ZNF730: variants seen among roughly 807,000 people sequenced by gnomAD.
The protein encoded by ZNF730 is zinc finger protein 730, also known as putative zinc finger protein 730.
Under a neutral mutation model 12.6 loss-of-function variants are expected in ZNF730, and 12 were observed. The ratio of observed to expected loss-of-function variants is 0.95; its 90% CI spans 0.61 to 1.54. The LOEUF is 1.54. Among genes scored for constraint, ZNF730 ranks in the 40% most tolerant of loss-of-function variants. The probability of loss-of-function intolerance (pLI) is 0.00; values close to 1 mark genes in which losing one functional copy is unlikely to be tolerated. For synonymous variants in ZNF730, 194 were observed against 195.8 expected, an observed-to-expected ratio of 0.99 and a Z score of 0.08; for missense variants, 643 against 583.5, an observed-to-expected ratio of 1.10 and a Z score of -1.05.
chr19:23,131,655 C>T (rs576867632), intron 1 of ZNF730, among the ~76,000 whole-genome samples: 2 of 152,248 alleles, frequency 1.3e-5, no homozygotes, highest in African/African-American at 4.8e-5. Context: ...CTGTGCTGTG[C>T]CTGCTTGCTC....
At chr19:23,130,221 A>G (rs996811140) in intron 1 of ZNF730, among the ~76,000 whole-genome samples, 2 of 152,050 alleles carry the variant, frequency 1.3e-5, no homozygotes, top group East Asian at 1.9e-4. Context: ...GTGATAGTGA[A>G]TGAACTTCAG....
rs547070751 is a variant in ZNF730 at position 23,134,392 on chromosome 19, G to A, written c.130+186G>A. ...CCCCGTCCGGGAGGGAGGTGGGGGG[G>A]TCAGCCCCCCGCCCGGCCAGCCGCC... On this transcript the variant is annotated intron_variant, in intron 2 of 3. Transcript: ENST00000597761. 8.4e-3 allele frequency among the ~76,000 whole-genome samples: 1,165 copies of A among 139,412 alleles called. 19 individuals carry two copies. Among genetic ancestry groups the A allele is most frequent in the African/African-American group, 0.03 (1,113 of 37,526 alleles). The allele number at this position is 139,412 out of a possible 152,430, so 91.5% of individuals were successfully genotyped here. A position where few individuals can be genotyped will look rare whatever the true frequency, so the allele number is the denominator to read the frequency against.
rs143965452 is a variant in ZNF730, at chr19:23,107,638, C to T, written c.-93-26442C>T. Among the ~76,000 whole-genome samples, 100 of 152,122 alleles carry T rather than the reference C, an allele frequency of 6.6e-4. 1 individual carries two copies. In the Middle Eastern group the frequency reaches 0.01, roughly 16 times the overall value. On this transcript the variant is annotated intron_variant, in intron 1 of 2. Coordinates refer to the ZNF730 transcript ENST00000593635. The stretch of plus-strand genomic sequence containing the variant: ...TATTACTTGGTAAGAATTCATTAAG[C>T]TTTGCATGAATTAATGATTTCCACG...
chr19:23,137,343 G>T (rs1970849452), intron 3 of ZNF730, among the ~76,000 whole-genome samples: 1 of 151,778 alleles, frequency 6.6e-6, no homozygotes, highest in African/African-American at 2.4e-5. Context: ...TTATTTTAGT[G>T]CTATTGTAAA....
intron 1 of ZNF730, among the ~76,000 whole-genome samples, chr19:23,122,132 CTTTTTTTT>C (rs71163449): frequency 8.8e-5 from 2 of 22,778 alleles, no homozygotes; most frequent in Non-Finnish European, 1.5e-4. Flanking sequence ...TTGTTTAAAG[CTTTTTTTT>C]TTTTTTTTTT....
intron 3 of ZNF730, among the ~76,000 whole-genome samples, chr19:23,141,394 CA>C (rs372825703): frequency 0.14 from 17,255 of 120,130 alleles, 986 homozygotes; most frequent in African/African-American, 0.2. Context: ...GACTCCGTCT[CA>C]AAAAAAAAAA....
intron 1 of ZNF730, among the ~76,000 whole-genome samples, chr19:23,120,469 T>C (rs968174748): frequency 3.3e-5 from 5 of 152,144 alleles, no homozygotes; most frequent in African/African-American, 1.2e-4. Context: ...ACAGAGAAGT[T>C]TGTAGTAGAC....
chr19:23,119,992 C>CTTTTTT (rs539722897), intron 1 of ZNF730, among the ~76,000 whole-genome samples: 3 of 132,580 alleles, frequency 2.3e-5, no homozygotes, highest in Non-Finnish European at 4.9e-5. Context: ...CACTTTCTTT[C>CTTTTTT]TTTTTTTTTT....
At chr19:23,090,526 G>A (rs1252382048) in intron 1 of ZNF730, among the ~76,000 whole-genome samples, 2 of 152,154 alleles carry the variant, frequency 1.3e-5, no homozygotes, top group African/African-American at 4.8e-5. Flanking sequence ...GCAGCCTGAT[G>A]ATGCAATAGA....
chr19:23,111,984 TATGAAGAAAGCCTTAAG>T (rs1599584721), intron 1 of ZNF730, among the ~76,000 whole-genome samples: 2 of 141,276 alleles, frequency 1.4e-5, no homozygotes, highest in African/African-American at 5.2e-5. Context: ...TGACAAAGCA[TATGAAGAAAGCCTTAAG>T]GTGAAGAAAG....
intron 1 of ZNF730, among the ~76,000 whole-genome samples, chr19:23,117,871 C>T (rs1168237639): frequency 6.6e-6 from 1 of 152,080 alleles, no homozygotes; most frequent in Non-Finnish European, 1.5e-5. Flanking sequence ...CAAAAAAATA[C>T]ATTTGAGTTA....
chr19:23,114,305 C>CTTTTTTTTTTTTTTT (rs869304180), upstream of ZNF730, among the ~76,000 whole-genome samples: 64 of 103,498 alleles, frequency 6.2e-4, 3 homozygotes, highest in African/African-American at 1.3e-3. Flanking sequence ...TTTTTCTTTT[C>CTTTTTTTTTTTTTTT]TTTTTTTTTT....
rs1002470946 is a variant in ZNF730, at chr19:23,105,697, T to C, written c.-93-28383T>C. On this transcript the variant is annotated intron_variant, in intron 1 of 2. Coordinates refer to the ZNF730 transcript ENST00000593635. Reference sequence around the variant, plus strand: ...TACCAGGATATCCACTCCTAGGTCATTACTAAAGCAAAGTGAAAACTAATG... The same window carrying C: ...TACCAGGATATCCACTCCTAGGTCACTACTAAAGCAAAGTGAAAACTAATG... 6.3e-4 allele frequency among the ~76,000 whole-genome samples: 96 copies of C among 152,318 alleles called. 1 individual carries two copies. The highest frequency in any genetic ancestry group is 2.3e-3 in the African/African-American group (95 of 41,578).
At chr19:23,127,981 C>A in intron 1 of ZNF730, 1 of 737,336 alleles carries the variant, frequency 1.4e-6, no homozygotes, top group South Asian at 1.4e-5. Context: ...CTGCAGGCTC[C>A]TCAGTAGGTC....
intron 1 of ZNF730, among the ~76,000 whole-genome samples, chr19:23,130,083 G>A (rs1054522600): frequency 2.0e-5 from 3 of 152,008 alleles, no homozygotes; most frequent in African/African-American, 7.2e-5. Flanking sequence ...GGGGCCAGGG[G>A]TGGAATGATA....
intron 1 of ZNF730, chr19:23,128,396 A>C: frequency 6.7e-6 from 3 of 450,478 alleles, no homozygotes; most frequent in Non-Finnish European, 1.3e-5. Context: ...AAGAAAGCTC[A>C]TGCTGCTATG....
chr19:23,096,101 A>G (rs1430540605), intron 1 of ZNF730, among the ~76,000 whole-genome samples: 1 of 152,084 alleles, frequency 6.6e-6, no homozygotes, highest in Admixed American at 6.6e-5. Flanking sequence ...GTGACTCCAC[A>G]CTTCTTCCTG....
At chr19:23,123,067 C>T (rs1970619485) in intron 1 of ZNF730, 1 of 152,092 alleles carries the variant, frequency 6.6e-6, no homozygotes, top group African/African-American at 2.4e-5. Flanking sequence ...GCTGCTTTTA[C>T]AGGACAAATA....
At chr19:23,134,260 T>G (rs1970789289) in intron 2 of ZNF730, 54 bp downstream of exon 2, 2 of 1,419,678 alleles carry the variant, frequency 1.4e-6, no homozygotes, top group Non-Finnish European at 1.9e-6. Context: ...TTTCATTTAT[T>G]TTTGTAAAAA....
Sources: gnomAD v4.1 joint callset for allele counts (sites outside exome capture counted in the v4.1 genomes callset) on GRCh38, gnomAD v4.1.1 for gene constraint, MANE v1.5 for transcripts, NCBI Gene and HGNC (gene_info 2026-07-23, HGNC 2026-07-21) for gene names.